Variants in PRKCQ observed in about 807,000 individuals in gnomAD.
PRKCQ encodes the protein protein kinase C theta type.
PRKCQ carries 41 observed loss-of-function variants against 91.2 expected under a neutral mutation model. The observed-to-expected ratio is 0.45, with a 90% confidence interval of 0.35 to 0.58. The LOEUF (loss-of-function observed/expected upper bound fraction) is 0.58, where lower values mean the gene tolerates loss of function less well. Among genes scored for constraint, PRKCQ ranks in the 20% least tolerant of loss-of-function variants. The pLI is 0.00. For synonymous variants in PRKCQ, 307 were observed against 316.9 expected (o/e 0.97, Z 0.33); for missense variants, 673 against 896.5 (o/e 0.75, Z 3.18).
the PRKCQ span, among the ~76,000 whole-genome samples, chr10:6,395,137 C>T: frequency 3.4e-4 from 49 of 145,322 alleles, no homozygotes; most frequent in Non-Finnish European, 6.8e-4. Flanking sequence ...GATCTCGGCT[C>T]ACTGCAAGCT....
At chr10:6,461,101 A>G (rs1187411292) in intron 14 of PRKCQ, among the ~76,000 whole-genome samples, 3 of 47,318 alleles carry the variant, frequency 6.3e-5, no homozygotes, top group African/African-American at 1.9e-4. Flanking sequence ...TCCATCATTT[A>G]TCCATCCATC....
intron 1 of PRKCQ, among the ~76,000 whole-genome samples, chr10:6,571,043 G>A (rs1246149877): frequency 6.6e-6 from 1 of 152,136 alleles, no homozygotes; most frequent in Non-Finnish European, 1.5e-5. Flanking sequence ...AGGAGCAGCT[G>A]TGGAGAAGCT....
chr10:6,451,239 G>A (rs1329890793), intron 15 of PRKCQ, among the ~76,000 whole-genome samples: 2 of 149,528 alleles, frequency 1.3e-5, no homozygotes, highest in Non-Finnish European at 3.0e-5. Context: ...AAATGATAAA[G>A]GGGATATCAC....
intron 1 of PRKCQ, among the ~76,000 whole-genome samples, chr10:6,572,882 A>T (rs1448413085): frequency 6.6e-6 from 1 of 152,062 alleles, no homozygotes; most frequent in Non-Finnish European, 1.5e-5. Context: ...TTTCTCTGCA[A>T]CTTTGCCAGC....
chr10:6,543,683 G>A (rs889743401), intron 1 of PRKCQ, among the ~76,000 whole-genome samples: 1 of 152,170 alleles, frequency 6.6e-6, no homozygotes, highest in African/African-American at 2.4e-5. Context: ...TGCTGACAAG[G>A]CCCACGGTTC....
chr10:6,565,187 G>A (rs193114486), intron 1 of PRKCQ, among the ~76,000 whole-genome samples: 8 of 152,336 alleles, frequency 5.3e-5, no homozygotes, highest in Admixed American at 1.3e-4. Context: ...TGGGTGTCTT[G>A]AGATAGCACA....
intron 1 of PRKCQ, among the ~76,000 whole-genome samples, chr10:6,531,495 C>T (rs1174724331): frequency 6.6e-6 from 1 of 151,318 alleles, no homozygotes; most frequent in Non-Finnish European, 1.5e-5. Flanking sequence ...CCCCCCAAAA[C>T]CAATAGTGCG....
chr10:6,535,626 C>T (rs554197073), intron 1 of PRKCQ, among the ~76,000 whole-genome samples: 6 of 152,230 alleles, frequency 3.9e-5, no homozygotes, highest in South Asian at 2.1e-4. Context: ...GACAAGCTGC[C>T]GGCCTGACAC....
intron 12 of PRKCQ, 59 bp downstream of exon 12, chr10:6,478,926 GCCATTGA>G: frequency 6.5e-7 from 1 of 1,546,354 alleles, no homozygotes; most frequent in Non-Finnish European, 8.8e-7. Flanking sequence ...TAATGAGGGC[GCCATTGA>G]AGGTATCATG....
chr10:6,411,107 G>A, the PRKCQ span, among the ~76,000 whole-genome samples: 6 of 152,096 alleles, frequency 3.9e-5, no homozygotes, highest in Non-Finnish European at 8.8e-5. Context: ...TAGGTCATCG[G>A]TATATTTTGT....
the PRKCQ span, among the ~76,000 whole-genome samples, chr10:6,402,984 C>T: frequency 1.3e-5 from 2 of 152,242 alleles, no homozygotes; most frequent in Non-Finnish European, 2.9e-5. Flanking sequence ...TGCACACTAT[C>T]TCCTGACCAC....
At position 6,566,412 on chromosome 10, in the gene PRKCQ, G is replaced by A. The variant is rs116225863; in HGVS notation, c.-10+13799C>T. Among the ~76,000 whole-genome samples, 370 of 152,208 alleles carry A rather than the reference G, an allele frequency of 2.4e-3. 3 individuals carry two copies. The highest frequency in any genetic ancestry group is 8.5e-3 in the African/African-American group (353 of 41,522). ...CCAGGTGAAATCCTGGTCTGGATGCGAAAAGGACCCCTCAAAACAGCTACA... is the reference window on the plus strand; with the variant it reads ...CCAGGTGAAATCCTGGTCTGGATGCAAAAAGGACCCCTCAAAACAGCTACA... On this transcript the variant is annotated intron_variant, in intron 1 of 17. Transcript: ENST00000263125.
chr10:6,425,501 C>T (rs1019702090), downstream of PRKCQ, among the ~76,000 whole-genome samples: 12 of 151,958 alleles, frequency 7.9e-5, no homozygotes, highest in African/African-American at 1.2e-4. Flanking sequence ...GGATTACAGG[C>T]GTGAACCACC....
At chr10:6,538,540 C>G (rs1226769912) in intron 1 of PRKCQ, among the ~76,000 whole-genome samples, 1 of 152,246 alleles carries the variant, frequency 6.6e-6, no homozygotes, top group East Asian at 1.9e-4. Context: ...GATGCCCCCT[C>G]CCTGGCTCCT....
Position 6,478,428 on chromosome 10 carries a change from C to A in PRKCQ, c.1353+564G>T, listed in dbSNP as rs572208751. ...TTTGTTTTTTTAAGGAAAAAGGAGA[C>A]CAGGATGCAAGTCCTCCCAGAACGG... is the stretch of plus-strand genomic sequence containing the variant. On this transcript the variant is annotated intron_variant, in intron 12 of 17. Coordinates refer to ENST00000263125, the MANE Select transcript of PRKCQ (RefSeq NM_006257.5). Among the ~76,000 whole-genome samples the A allele has an allele frequency of 3.3e-5, 5 of 152,188 alleles. No homozygotes were observed. The East Asian group carries it at 5.8e-4, about 18-fold the overall frequency.
chr10:6,410,058 T>C, the PRKCQ span, among the ~76,000 whole-genome samples: 1 of 152,046 alleles, frequency 6.6e-6, no homozygotes, highest in South Asian at 2.1e-4. Flanking sequence ...AGTCAGCCCT[T>C]TTACCCTCTG....
At chr10:6,520,015 T>C (rs1016708343) in intron 1 of PRKCQ, among the ~76,000 whole-genome samples, 2 of 152,208 alleles carry the variant, frequency 1.3e-5, no homozygotes, top group Non-Finnish European at 2.9e-5. Context: ...TGGTGGTCTA[T>C]TGTGTAACAC....
intron 1 of PRKCQ, among the ~76,000 whole-genome samples, chr10:6,560,834 T>G (rs1840600913): frequency 6.6e-6 from 1 of 151,956 alleles, no homozygotes; most frequent in Non-Finnish European, 1.5e-5. Context: ...GGTCAGGACA[T>G]CAAGACCATC....
intron 15 of PRKCQ, among the ~76,000 whole-genome samples, chr10:6,447,881 A>G (rs888024825): frequency 6.6e-6 from 1 of 152,180 alleles, no homozygotes; most frequent in Non-Finnish European, 1.5e-5. Flanking sequence ...AGAATCACAC[A>G]AGAGAGGCTA....
Sources: allele counts gnomAD v4.1 joint callset (sites outside exome capture counted in the v4.1 genomes callset), GRCh38; gene constraint gnomAD v4.1.1; transcripts MANE v1.5; gene names NCBI Gene and HGNC (gene_info 2026-07-23, HGNC 2026-07-21).